The following IL1RN variants were observed in gnomAD, a reference collection of about 807,000 sequenced individuals.
IL1RN encodes the protein interleukin-1 receptor antagonist protein.
Under a neutral mutation model 13.7 loss-of-function variants are expected in IL1RN, and 10 were observed. The observed-to-expected ratio is 0.73, with a 90% CI of 0.45 to 1.24. The LOEUF (loss-of-function observed/expected upper bound fraction) is 1.24, where lower values mean the gene tolerates loss of function less well. Ranked by LOEUF, IL1RN falls within the 50% of genes most tolerant of loss-of-function variation. The pLI is 0.00. For synonymous variants in IL1RN, 102 were observed against 82.7 expected (o/e 1.23, Z -1.27); for missense variants, 213 against 222.1 (o/e 0.96, Z 0.26).
chr2:113,109,387 G>A (rs1249382050), upstream of IL1RN, among the ~76,000 whole-genome samples: 4 of 144,004 alleles, frequency 2.8e-5, no homozygotes, highest in African/African-American at 1.0e-4. Flanking sequence ...ATTCCAGCCT[G>A]GGCAGCAAGA....
upstream of IL1RN, among the ~76,000 whole-genome samples, chr2:113,110,328 AG>A (rs1465251601): frequency 1.3e-5 from 2 of 152,188 alleles, no homozygotes; most frequent in African/African-American, 4.8e-5. Context: ...TGTTCCTCAC[AG>A]AAGCTTTTTT....
chr2:113,101,129 T>A, the IL1RN span, among the ~76,000 whole-genome samples: 1 of 152,124 alleles, frequency 6.6e-6, no homozygotes, highest in Non-Finnish European at 1.5e-5. Context: ...AAAGGCGAAA[T>A]GTCAGATAAA....
At chr2:113,125,656 G>C (rs1686929361), upstream of IL1RN, among the ~76,000 whole-genome samples, 1 of 152,194 alleles carries the variant, frequency 6.6e-6, no homozygotes, top group South Asian at 2.1e-4. Flanking sequence ...AGATGTGTTG[G>C]TTGAGAGAAA....
At chr2:113,101,337 G>T in the IL1RN span, among the ~76,000 whole-genome samples, 1 of 152,142 alleles carries the variant, frequency 6.6e-6, no homozygotes, top group African/African-American at 2.4e-5. Flanking sequence ...TTGGGAGCAG[G>T]AGGCCTGATG....
upstream of IL1RN, among the ~76,000 whole-genome samples, chr2:113,102,987 G>A (rs960154279): frequency 1.3e-5 from 2 of 152,242 alleles, no homozygotes; most frequent in African/African-American, 4.8e-5. Context: ...GGATAGAGGT[G>A]CAAAGTACTC....
chr2:113,125,000 G>A (rs377365637), upstream of IL1RN, among the ~76,000 whole-genome samples: 22 of 152,302 alleles, frequency 1.4e-4, no homozygotes, highest in East Asian at 3.9e-3. Flanking sequence ...CAGTGTGGGT[G>A]GGGCTTTTTA....
chr2:113,104,760 T>C (rs910634289), upstream of IL1RN, among the ~76,000 whole-genome samples: 1 of 152,114 alleles, frequency 6.6e-6, no homozygotes, highest in Non-Finnish European at 1.5e-5. Context: ...CAGGTTCTTT[T>C]TGAGTCCCAT....
At chr2:113,108,382 G>A (rs1321501267), upstream of IL1RN, among the ~76,000 whole-genome samples, 2 of 151,886 alleles carry the variant, frequency 1.3e-5, no homozygotes, top group African/African-American at 4.8e-5. Context: ...TTAGCATTAG[G>A]TATATCTCCT....
chr2:113,099,640 A>G, the IL1RN span, among the ~76,000 whole-genome samples: 4 of 150,482 alleles, frequency 2.7e-5, no homozygotes, highest in South Asian at 6.3e-4. Flanking sequence ...GTGGGTCTCC[A>G]TACACTGCTC....
At chr2:113,121,568 G>T (rs933104999) in intron 2 of IL1RN, 3 of 985,458 alleles carry the variant, frequency 3.0e-6, no homozygotes, top group Non-Finnish European at 3.6e-6. Flanking sequence ...CCCATAAACT[G>T]CTGGGGCAAA....
chr2:113,125,161 C>A (rs1194072829), upstream of IL1RN, among the ~76,000 whole-genome samples: 1 of 152,192 alleles, frequency 6.6e-6, no homozygotes. Flanking sequence ...AGGAGAGAAC[C>A]TATCATAGTC....
chr2:113,101,458 T>C, the IL1RN span, among the ~76,000 whole-genome samples: 3 of 152,142 alleles, frequency 2.0e-5, no homozygotes, highest in African/African-American at 7.2e-5. Context: ...AGAACATTAA[T>C]AAAAATAACA....
At chr2:113,127,398 A>C, upstream of IL1RN, 1 of 912,502 alleles carries the variant, frequency 1.1e-6, no homozygotes, top group South Asian at 5.0e-5. Flanking sequence ...GGGAAATTGC[A>C]CAGGGGAAAA....
chr2:113,128,218 T>G (rs1294746787), intron 1 of IL1RN, among the ~76,000 whole-genome samples: 3 of 152,228 alleles, frequency 2.0e-5, no homozygotes, highest in African/African-American at 7.2e-5. Flanking sequence ...CTTACAGGGT[T>G]GTTGTGAAAA....
At chr2:113,102,855 C>G (rs977411841), upstream of IL1RN, among the ~76,000 whole-genome samples, 3 of 152,136 alleles carry the variant, frequency 2.0e-5, no homozygotes, top group African/African-American at 7.2e-5. Context: ...AGGAACTGGC[C>G]ATTTTCACTT....
chr2:113,122,666 A>G (rs1290943648), upstream of IL1RN, among the ~76,000 whole-genome samples: 1 of 152,118 alleles, frequency 6.6e-6, no homozygotes, highest in South Asian at 2.1e-4. Flanking sequence ...ACCTGACAAC[A>G]TTACCCTTTT....
the IL1RN span, among the ~76,000 whole-genome samples, chr2:113,101,374 C>T: frequency 3.3e-5 from 5 of 152,148 alleles, no homozygotes; most frequent in African/African-American, 1.2e-4. Flanking sequence ...GTAAAACCGA[C>T]ATTCAATGAT....
At chr2:113,129,827 G>A (rs953098261) in intron 2 of IL1RN, 163 bp downstream of exon 2, 4 of 645,794 alleles carry the variant, frequency 6.2e-6, no homozygotes, top group Admixed American at 2.1e-5. Flanking sequence ...CTACTGAAGG[G>A]CACATATGAG....
At chr2:113,120,151 G>T (rs1241319948) in intron 2 of IL1RN, 1 of 1,575,552 alleles carries the variant, frequency 6.3e-7, no homozygotes. Context: ...TAGGATCCAA[G>T]TTTGAAAACA....
Sources: allele counts gnomAD v4.1 joint callset (sites outside exome capture counted in the v4.1 genomes callset), GRCh38; gene constraint gnomAD v4.1.1; transcripts MANE v1.5; gene names NCBI Gene and HGNC (gene_info 2026-07-23, HGNC 2026-07-21).